TBCE: variants seen among roughly 807,000 people sequenced by gnomAD.
The protein encoded by TBCE is tubulin-specific chaperone E.
Under a neutral mutation model 77.0 loss-of-function variants are expected in TBCE, and 53 were observed. The observed-to-expected ratio is 0.69, with a 90% confidence interval of 0.55 to 0.87. The LOEUF (loss-of-function observed/expected upper bound fraction) is 0.87, where lower values mean the gene tolerates loss of function less well. Ranked by LOEUF, TBCE falls within the 40% of genes least tolerant of loss-of-function variation. The pLI is 0.00. For missense variants in TBCE, 624 were observed against 622.4 expected (o/e 1.00, Z -0.03); for synonymous variants, 235 against 241.3 (o/e 0.97, Z 0.24).
intron 3 of TBCE, among the ~76,000 whole-genome samples, chr1:235,403,669 C>T (rs1463096075): frequency 6.6e-6 from 1 of 152,160 alleles, no homozygotes; most frequent in Non-Finnish European, 1.5e-5. Context: ...GCTTCAAGTC[C>T]TGGGTGATGC....
chr1:235,401,661 G>A (rs1679114070), intron 3 of TBCE, 74 bp downstream of exon 3: 4 of 1,299,064 alleles, frequency 3.1e-6, no homozygotes, highest in Non-Finnish European at 4.4e-6. Flanking sequence ...GAGGGATGGA[G>A]AGGAAGAAAT....
At chr1:235,439,481 A>G (rs892935880) in intron 13 of TBCE, among the ~76,000 whole-genome samples, 3 of 151,364 alleles carry the variant, frequency 2.0e-5, no homozygotes, top group Non-Finnish European at 2.9e-5. Flanking sequence ...GGGCGACAGA[A>G]CGAGACTCCG....
chr1:235,420,828 A>G (rs894805947), intron 5 of TBCE, among the ~76,000 whole-genome samples: 3 of 151,912 alleles, frequency 2.0e-5, no homozygotes, highest in Admixed American at 6.6e-5. Context: ...GTTTCGCCAC[A>G]TTGGCGAGGC....
chr1:235,435,611 G>T (rs1028613568), intron 8 of TBCE, 134 bp from the exon 9 acceptor site: 10 of 755,372 alleles, frequency 1.3e-5, no homozygotes, highest in Non-Finnish European at 2.1e-5. Context: ...CACTCAGGTT[G>T]CCCCTTTACA....
At chr1:235,395,468 T>C (rs1678664526) in intron 2 of TBCE, among the ~76,000 whole-genome samples, 1 of 152,148 alleles carries the variant, frequency 6.6e-6, no homozygotes, top group Non-Finnish European at 1.5e-5. Flanking sequence ...TCTGTATTTT[T>C]GTGCCCATTA....
At chr1:235,418,249 C>A (rs1217214230) in intron 4 of TBCE, among the ~76,000 whole-genome samples, 1 of 152,142 alleles carries the variant, frequency 6.6e-6, no homozygotes, top group African/African-American at 2.4e-5. Context: ...TTGATGGACA[C>A]TTGGGTTGCT....
At chr1:235,381,317 A>C (rs928193169) in intron 2 of TBCE, among the ~76,000 whole-genome samples, 2 of 152,078 alleles carry the variant, frequency 1.3e-5, no homozygotes, top group African/African-American at 4.8e-5. Context: ...TCTAATGACA[A>C]ATGCCCCATA....
chr1:235,441,776 T>G (rs79490393), intron 13 of TBCE, 38 bp from the exon 14 acceptor site: 1 of 1,590,180 alleles, frequency 6.3e-7, no homozygotes, highest in African/African-American at 1.3e-5. Flanking sequence ...TATAGTGGCC[T>G]TTGGTTTATC....
Position 235,436,621 on chromosome 1 carries a change from C to T in TBCE, c.963+13C>T, listed in dbSNP as rs370586565. On this transcript the variant is annotated intron_variant, in intron 11 of 16. Coordinates refer to ENST00000642610, the MANE Select transcript of TBCE (RefSeq NM_003193.5). ...TCAGATATCACAAGTAAGAGCTGCT[C>T]GGAGTATGCCCAGCACACTGTTGCC... The T allele has an allele frequency of 1.3e-5, 21 of 1,608,610 alleles. No individual in the cohort carries two copies. Among genetic ancestry groups the T allele is most frequent in the Middle Eastern group, 1.6e-4 (1 of 6,072 alleles).
intron 3 of TBCE, among the ~76,000 whole-genome samples, chr1:235,403,407 A>G (rs1007408209): frequency 6.6e-6 from 1 of 151,924 alleles, no homozygotes; most frequent in African/African-American, 2.4e-5. Context: ...CGGGGATTTC[A>G]CCAGGTTGGC....
chr1:235,394,658 C>G (rs1027114442), intron 2 of TBCE, among the ~76,000 whole-genome samples: 4 of 151,056 alleles, frequency 2.6e-5, no homozygotes, highest in Non-Finnish European at 5.9e-5. Flanking sequence ...TGGGCTCAAG[C>G]AATCTGCCTG....
At chr1:235,389,372 G>T (rs1678232228) in intron 2 of TBCE, among the ~76,000 whole-genome samples, 1 of 152,104 alleles carries the variant, frequency 6.6e-6, no homozygotes, top group Admixed American at 6.6e-5. Context: ...TTGTTGCCTA[G>T]GCTGGAGTGC....
chr1:235,378,995 T>G (rs1677460327), intron 1 of TBCE, among the ~76,000 whole-genome samples: 1 of 152,236 alleles, frequency 6.6e-6, no homozygotes, highest in Non-Finnish European at 1.5e-5. Context: ...CATCTGATAC[T>G]GTTGCTTGAT....
At chr1:235,387,425 G>A (rs1678080065) in intron 2 of TBCE, among the ~76,000 whole-genome samples, 1 of 152,218 alleles carries the variant, frequency 6.6e-6, no homozygotes, top group South Asian at 2.1e-4. Flanking sequence ...AGGCAGGCAG[G>A]CCTCCTTGAG....
intron 2 of TBCE, among the ~76,000 whole-genome samples, chr1:235,394,690 G>T (rs556790893): frequency 6.6e-6 from 1 of 152,032 alleles, no homozygotes; most frequent in Admixed American, 6.6e-5. Flanking sequence ...CAAAGTGCTG[G>T]GATTACAGGT....
intron 3 of TBCE, among the ~76,000 whole-genome samples, chr1:235,409,009 CTT>C (rs10565716): frequency 0.14 from 19,626 of 138,450 alleles, 1,488 homozygotes; most frequent in African/African-American, 0.23. Context: ...AACAGCCAAT[CTT>C]TTTTTTTTTT....
intron 12 of TBCE, 117 bp downstream of exon 12, chr1:235,437,591 C>G: frequency 8.2e-7 from 1 of 1,226,262 alleles, no homozygotes. Context: ...GCAGGCTGAT[C>G]GCTGCAGTCC....
intron 3 of TBCE, among the ~76,000 whole-genome samples, chr1:235,408,616 A>G (rs1245944198): frequency 6.6e-6 from 1 of 152,206 alleles, no homozygotes; most frequent in Non-Finnish European, 1.5e-5. Context: ...AGAAGCAAAC[A>G]AAAAGAGCAG....
Position 235,420,538 on chromosome 1 carries a change from A to G in TBCE, c.460+977A>G, listed in dbSNP as rs1219988115. 9.1e-5 allele frequency among the ~76,000 whole-genome samples: 12 copies of G among 131,602 alleles called. No individual in the cohort carries two copies. The East Asian group carries it at 2.5e-3, about 27-fold the overall frequency. The allele number at this position is 131,602 out of a possible 152,430, so 86.3% of individuals were successfully genotyped here. A position where few individuals can be genotyped will look rare whatever the true frequency, so the allele number is the denominator to read the frequency against. Reference sequence around the variant, plus strand: ...TCGCTCTGTTGCCAGGCTGCAGTGCAGTGGCGTGATCTCAGCTCACTGCAA... The same window carrying G: ...TCGCTCTGTTGCCAGGCTGCAGTGCGGTGGCGTGATCTCAGCTCACTGCAA... On this transcript the variant is annotated intron_variant, in intron 5 of 16. Coordinates refer to ENST00000642610, the MANE Select transcript of TBCE (RefSeq NM_003193.5).
Sources: gnomAD v4.1 joint callset for allele counts (sites outside exome capture counted in the v4.1 genomes callset) on GRCh38, gnomAD v4.1.1 for gene constraint, MANE v1.5 for transcripts, NCBI Gene and HGNC (gene_info 2026-07-23, HGNC 2026-07-21) for gene names.